The following ARMH3 variants were observed in gnomAD, a reference collection of about 807,000 sequenced individuals.
The protein encoded by ARMH3 is armadillo like helical domain containing 3.
Under a neutral mutation model 99.1 loss-of-function variants are expected in ARMH3, and 60 were observed. That is an observed-to-expected ratio of 0.61 (90% confidence interval 0.49 to 0.75). The LOEUF is 0.75. Among genes scored for constraint, ARMH3 ranks in the 30% least tolerant of loss-of-function variants. ARMH3 has a pLI of 0.00. For missense variants in ARMH3, 679 were observed against 843.1 expected, an observed-to-expected ratio of 0.81 and a Z score of 2.41; for synonymous variants, 285 against 292.8, an observed-to-expected ratio of 0.97 and a Z score of 0.27.
intron 20 of ARMH3, among the ~76,000 whole-genome samples, chr10:101,973,892 G>C (rs187838337): frequency 6.6e-6 from 1 of 152,244 alleles, no homozygotes; most frequent in Non-Finnish European, 1.5e-5. Flanking sequence ...CTGAAGATCT[G>C]CATCATTATT....
At position 101,884,837 on chromosome 10, in the gene ARMH3, C is replaced by T. The variant is rs143398504; in HGVS notation, c.1860+4575G>A. ...TGGACTTCACCAAAGTTTTTAAAAG[C>T]TTATGCATAAAGGACACTAACAATA... On this transcript the variant is annotated intron_variant, in intron 24 of 25. Transcript: ENST00000370033. Among the ~76,000 whole-genome samples the T allele has an allele frequency of 5.8e-3, 878 of 151,562 alleles. 3 individuals carry two copies. The highest frequency in any genetic ancestry group is 9.6e-3 in the Admixed American group (147 of 15,242).
chr10:101,992,390 A>G (rs1281675388), intron 17 of ARMH3, among the ~76,000 whole-genome samples: 1 of 152,194 alleles, frequency 6.6e-6, no homozygotes, highest in Non-Finnish European at 1.5e-5. Flanking sequence ...CTTTGACGAT[A>G]AATAATAATA....
At chr10:101,932,017 G>A (rs2135672910) in intron 23 of ARMH3, among the ~76,000 whole-genome samples, 1 of 152,242 alleles carries the variant, frequency 6.6e-6, no homozygotes, top group Non-Finnish European at 1.5e-5. Context: ...GCCTGATAAT[G>A]AATTAATATC....
intron 24 of ARMH3, among the ~76,000 whole-genome samples, chr10:101,858,929 A>T (rs2066795800): frequency 2.0e-5 from 3 of 152,196 alleles, no homozygotes; most frequent in Admixed American, 2.0e-4. Context: ...CCAACCAAAA[A>T]AGAAAGTAAT....
At chr10:101,883,466 G>T (rs992103173) in intron 24 of ARMH3, among the ~76,000 whole-genome samples, 1 of 152,012 alleles carries the variant, frequency 6.6e-6, no homozygotes, top group Non-Finnish European at 1.5e-5. Flanking sequence ...ATCTAAGAGT[G>T]TCAGATAGGA....
intron 8 of ARMH3, among the ~76,000 whole-genome samples, chr10:102,018,599 A>C (rs915381681): frequency 2.0e-5 from 3 of 152,280 alleles, no homozygotes; most frequent in African/African-American, 7.2e-5. Context: ...CATTACTCAC[A>C]TATTTCTGGT....
intron 24 of ARMH3, among the ~76,000 whole-genome samples, chr10:101,866,406 A>G (rs118060886): frequency 1.7e-3 from 251 of 151,344 alleles, no homozygotes; most frequent in Non-Finnish European, 3.0e-3. Flanking sequence ...ATTGCTTGAT[A>G]TGTACCACAG....
chr10:101,960,622 GGCTCAT>G (rs1213686332), intron 20 of ARMH3, among the ~76,000 whole-genome samples: 1 of 152,102 alleles, frequency 6.6e-6, no homozygotes, highest in Non-Finnish European at 1.5e-5. Flanking sequence ...CAGGTACAGT[GGCTCAT>G]GCCTGTAATC....
intron 5 of ARMH3, among the ~76,000 whole-genome samples, chr10:102,029,036 A>G (rs1253971857): frequency 2.6e-5 from 4 of 151,992 alleles, no homozygotes; most frequent in Non-Finnish European, 5.9e-5. Context: ...CACCATACGC[A>G]GATAATTTTT....
chr10:102,044,475 A>G (rs1590231208), intron 1 of ARMH3, among the ~76,000 whole-genome samples: 1 of 151,036 alleles, frequency 6.6e-6, no homozygotes, highest in Non-Finnish European at 1.5e-5. Flanking sequence ...GGCTCAAGCC[A>G]TCCTCTCGCT....
chr10:102,042,791 G>A (rs1027972814), intron 1 of ARMH3, among the ~76,000 whole-genome samples: 4 of 152,198 alleles, frequency 2.6e-5, no homozygotes. Context: ...GTAAAATATC[G>A]GCCGGGTGCA....
At chr10:101,927,326 G>C (rs1435152300) in intron 23 of ARMH3, among the ~76,000 whole-genome samples, 1 of 152,190 alleles carries the variant, frequency 6.6e-6, no homozygotes, top group East Asian at 1.9e-4. Context: ...AATAAAGTGA[G>C]ACAGTGGACC....
intron 1 of ARMH3, among the ~76,000 whole-genome samples, chr10:102,041,242 A>C (rs2067418261): frequency 6.6e-6 from 1 of 151,558 alleles, no homozygotes; most frequent in Admixed American, 6.6e-5. Context: ...TTCAATTGAG[A>C]ACCCGAAATC....
intron 23 of ARMH3, among the ~76,000 whole-genome samples, chr10:101,930,528 G>A (rs1457618661): frequency 2.0e-5 from 3 of 152,054 alleles, no homozygotes; most frequent in Non-Finnish European, 2.9e-5. Flanking sequence ...TCATTTTGGA[G>A]ACATTCTTTT....
intron 19 of ARMH3, among the ~76,000 whole-genome samples, chr10:101,989,557 G>T (rs1260420637): frequency 6.6e-6 from 1 of 151,670 alleles, no homozygotes; most frequent in African/African-American, 2.4e-5. Context: ...CCCATCTCTA[G>T]TAAAAATACA....
intron 24 of ARMH3, among the ~76,000 whole-genome samples, chr10:101,858,916 G>A (rs2066794919): frequency 6.6e-6 from 1 of 152,140 alleles, no homozygotes; most frequent in African/African-American, 2.4e-5. Flanking sequence ...TAGTAACACA[G>A]GCCCAACCAA....
rs558879910 is a variant in ARMH3 at position 102,016,126 on chromosome 10, C to A, written c.670-2102G>T. Among the ~76,000 whole-genome samples the A allele has an allele frequency of 2.0e-5, 3 of 152,268 alleles. No individual in the cohort carries two copies. In the South Asian group the frequency reaches 6.2e-4, roughly 32 times the overall value. The stretch of plus-strand genomic sequence containing the variant: ...CTCCAGCCTGGGTAACAGAGTGAGA[C>A]CCTGTCTCGATCAATCAATCAAACA... On this transcript the variant is annotated intron_variant, in intron 8 of 25. Coordinates refer to ENST00000370033, the MANE Select transcript of ARMH3 (RefSeq NM_024541.3).
At chr10:101,923,179 G>A (rs1339316586) in intron 23 of ARMH3, among the ~76,000 whole-genome samples, 1 of 152,142 alleles carries the variant, frequency 6.6e-6, no homozygotes, top group African/African-American at 2.4e-5. Flanking sequence ...AACAGCAAGA[G>A]ACAGTTTAAG....
intron 4 of ARMH3, among the ~76,000 whole-genome samples, chr10:102,032,429 C>T (rs887850974): frequency 6.6e-6 from 1 of 152,162 alleles, no homozygotes; most frequent in African/African-American, 2.4e-5. Context: ...GAGATGGAGT[C>T]TCGCTCTGTT....
Sources: allele counts gnomAD v4.1 joint callset (sites outside exome capture counted in the v4.1 genomes callset), GRCh38; gene constraint gnomAD v4.1.1; transcripts MANE v1.5; gene names NCBI Gene and HGNC (gene_info 2026-07-23, HGNC 2026-07-21).